The following TRPC5OS variants were observed in gnomAD, a reference collection of about 807,000 sequenced individuals.
The protein encoded by TRPC5OS is TRPC5 opposite strand, also known as putative uncharacterized protein TRPC5OS.
For missense variants in TRPC5OS, 64 were observed against 79.3 expected, an observed-to-expected ratio of 0.81 and a Z score of 0.73; for synonymous variants, 30 against 29.3, an observed-to-expected ratio of 1.02 and a Z score of -0.08.
At chrX:111,891,603 C>T (rs1460324707) in intron 1 of TRPC5OS, among the ~76,000 whole-genome samples, 2 of 111,287 alleles carry the variant, frequency 1.8e-5, no homozygotes, top group African/African-American at 3.3e-5. Context: ...TGCAATGGTG[C>T]GATCTCAGCT....
chrX:111,888,316 G>A (rs1424043537), intron 1 of TRPC5OS, among the ~76,000 whole-genome samples: 1 of 110,227 alleles, frequency 9.1e-6, no homozygotes, highest in Non-Finnish European at 1.9e-5. Flanking sequence ...TTATCAGAGG[G>A]TTTTAAATGG....
intron 1 of TRPC5OS, among the ~76,000 whole-genome samples, chrX:111,894,790 T>C (rs1052597702): frequency 3.6e-5 from 4 of 111,687 alleles, no homozygotes; most frequent in African/African-American, 1.3e-4. Flanking sequence ...AGGGTGCATA[T>C]CAATGCTTTT....
intron 1 of TRPC5OS, among the ~76,000 whole-genome samples, chrX:111,882,975 A>G (rs1924297940): frequency 9.1e-6 from 1 of 109,760 alleles, no homozygotes; most frequent in African/African-American, 3.3e-5. Context: ...AATCCCAGCT[A>G]CTCAGGAGGC....
intron 1 of TRPC5OS, among the ~76,000 whole-genome samples, chrX:111,891,573 C>T (rs1924807102): frequency 9.0e-6 from 1 of 111,327 alleles, no homozygotes; most frequent in South Asian, 3.9e-4. Context: ...TGGAGTCTCA[C>T]ACTGTCGCCC....
rs772524220 is a variant in TRPC5OS at position 111,880,546 on chromosome X, G to A, written c.-546+4273G>A. ...TACAAACTTCAGTTAGTCCATGCAGGACTGATACCTAAGTCACTGTGTACT... is the reference window on the plus strand; with the variant it reads ...TACAAACTTCAGTTAGTCCATGCAGAACTGATACCTAAGTCACTGTGTACT... On this transcript the variant is annotated intron_variant, in intron 1 of 3. Transcript: ENST00000635763. Among the ~76,000 whole-genome samples the A allele has an allele frequency of 2.9e-3, 326 of 112,339 alleles. 1 individual carries two copies. The highest frequency in any genetic ancestry group is 0.014 in the Middle Eastern group (3 of 217).
chrX:111,882,461 A>G (rs1016108472), intron 1 of TRPC5OS, among the ~76,000 whole-genome samples: 1 of 112,602 alleles, frequency 8.9e-6, no homozygotes, highest in Non-Finnish European at 1.9e-5. Context: ...GAGGTAGTAT[A>G]TTATTGAGGT....
intron 1 of TRPC5OS, among the ~76,000 whole-genome samples, 184 bp downstream of exon 1, chrX:111,876,457 TGG>T (rs1169830650): frequency 1.8e-5 from 2 of 111,718 alleles, no homozygotes; most frequent in Non-Finnish European, 3.8e-5. Context: ...CTTATTCAAG[TGG>T]GATACATATT....
At chrX:111,898,141 G>A (rs1355909837) in intron 3 of TRPC5OS, among the ~76,000 whole-genome samples, 5 of 107,977 alleles carry the variant, frequency 4.6e-5, no homozygotes, top group African/African-American at 1.7e-4. Context: ...TAATAATGTT[G>A]AGGATGTTTT....
chrX:111,893,394 T>C (rs1200687818), intron 1 of TRPC5OS, among the ~76,000 whole-genome samples: 1 of 111,968 alleles, frequency 8.9e-6, no homozygotes, highest in Non-Finnish European at 1.9e-5. Context: ...AGGACAAGCC[T>C]GTGTAGGGTC....
chrX:111,878,110 C>T (rs1017625587), intron 1 of TRPC5OS, among the ~76,000 whole-genome samples: 6 of 110,805 alleles, frequency 5.4e-5, no homozygotes, highest in Admixed American at 9.7e-5. Context: ...CTCCTTCAAA[C>T]ATCAGCTCAA....
At chrX:111,880,501 G>C (rs1271657810) in intron 1 of TRPC5OS, among the ~76,000 whole-genome samples, 2 of 112,381 alleles carry the variant, frequency 1.8e-5, no homozygotes, top group Non-Finnish European at 3.8e-5. Flanking sequence ...CTGCTTACCT[G>C]CTTTGCTCTG....
Position 111,902,246 on chromosome X carries a change from T to C in TRPC5OS, c.*61T>C, listed in dbSNP as rs1290093439. 2.6e-6 allele frequency: 2 copies of C among 781,030 alleles called. No individual in the cohort carries two copies. Among genetic ancestry groups the C allele is most frequent in the African/African-American group, 4.2e-5 (2 of 47,131 alleles). 64.4% of individuals were successfully genotyped at this position (781,030 alleles called of 1,213,427 possible). A position where few individuals can be genotyped will look rare whatever the true frequency, so the allele number is the denominator to read the frequency against. The stretch of plus-strand genomic sequence containing the variant: ...AACTGATCATTTCTCTGTTTTAATA[T>C]ATTCTTATTTTCTGTATATTAGCAA... On this transcript the variant is annotated 3_prime_UTR_variant, in exon 4 of 4. Transcript: ENST00000635763.
At chrX:111,898,647 C>G (rs1441605861) in intron 3 of TRPC5OS, among the ~76,000 whole-genome samples, 1 of 110,365 alleles carries the variant, frequency 9.1e-6, no homozygotes, top group Middle Eastern at 4.6e-3. Context: ...AGTCTCATGA[C>G]AATTACATTT....
At chrX:111,884,616 A>G (rs1410374890) in intron 1 of TRPC5OS, among the ~76,000 whole-genome samples, 1 of 112,777 alleles carries the variant, frequency 8.9e-6, no homozygotes, top group Non-Finnish European at 1.9e-5. Context: ...CTAAGTTTAG[A>G]TAAGGCCTAG....
chrX:111,889,236 C>T (rs920414207), intron 1 of TRPC5OS, among the ~76,000 whole-genome samples: 12 of 111,120 alleles, frequency 1.1e-4, no homozygotes, highest in South Asian at 3.8e-4. Context: ...TAAGATGAGA[C>T]GGAGAGCTGA....
At chrX:111,893,623 C>G (rs1048266267) in intron 1 of TRPC5OS, among the ~76,000 whole-genome samples, 10 of 111,878 alleles carry the variant, frequency 8.9e-5, no homozygotes, top group African/African-American at 3.2e-4. Flanking sequence ...TTTAAATTGA[C>G]CATAAGGACA....
rs1468922351 is a variant in TRPC5OS, at chrX:111,902,102, G to T, written c.253G>T (p.Asp85Tyr). ...TPREDEDLIF[D>Y]IDQAMLDMDN... ...AAGAGAGGATGAAGACCTAATATTT[G>T]ATATAGATCAGGCTATGTTAGACAT... Residue 85 changes from aspartate to tyrosine, a missense_variant, in exon 4 of 4, where the codon GAT becomes TAT. Coordinates refer to ENST00000635763, the MANE Select transcript of TRPC5OS (RefSeq NM_001195578.2). 1 of 1,154,074 alleles carries T rather than the reference G, an allele frequency of 8.7e-7. No homozygotes were observed. Among genetic ancestry groups the T allele is most frequent in the Admixed American group, 2.6e-5 (1 of 38,598 alleles).
rs1569527437 is a variant in TRPC5OS, at chrX:111,888,715, A to AT, written c.-545-7236_-545-7235insT. On this transcript the variant is annotated intron_variant, in intron 1 of 3. Coordinates refer to ENST00000635763, the MANE Select transcript of TRPC5OS (RefSeq NM_001195578.2). ...TCTCAAAAAAAAAAAAAAAAAAAAA[A>AT]AAAAGAAAGAAAAGAAAAGAAAAGA... Among the ~76,000 whole-genome samples the AT allele has an allele frequency of 3.0e-3, 316 of 104,629 alleles. 4 individuals are homozygous for AT. Among genetic ancestry groups the AT allele is most frequent in the African/African-American group, 0.011 (311 of 28,598 alleles). 90.9% of individuals were successfully genotyped at this position (104,629 alleles called of 115,157 possible). A position where few individuals can be genotyped will look rare whatever the true frequency, so the allele number is the denominator to read the frequency against.
chrX:111,903,507 G>T lies in TRPC5OS; in HGVS notation c.*1322G>T, dbSNP rs992848485. On this transcript the variant is annotated 3_prime_UTR_variant, in exon 4 of 4. Coordinates refer to ENST00000635763, the MANE Select transcript of TRPC5OS (RefSeq NM_001195578.2). ...ATGTTGCTATAAACAGCTGGTAGGC[G>T]ATTGACATAAGTCATGTATCTGAAA... The T allele has an allele frequency of 2.7e-5, 3 of 112,175 alleles. No individual in the cohort carries two copies. The Admixed American group carries it at 2.8e-4, about 11-fold the overall frequency. 9.2% of individuals were successfully genotyped at this position (112,175 alleles called of 1,213,427 possible). A position where few individuals can be genotyped will look rare whatever the true frequency, so the allele number is the denominator to read the frequency against.
Sources: allele counts gnomAD v4.1 joint callset (sites outside exome capture counted in the v4.1 genomes callset), GRCh38; gene constraint gnomAD v4.1.1; transcripts MANE v1.5; gene names NCBI Gene and HGNC (gene_info 2026-07-23, HGNC 2026-07-21).